GLRB: variants seen among roughly 807,000 people sequenced by gnomAD.
The protein encoded by GLRB is glycine receptor beta.
In GLRB, 33 loss-of-function variants were observed where a neutral mutation model predicts 54.2. The observed-to-expected ratio is 0.61, with a 90% confidence interval of 0.46 to 0.81. GLRB has a LOEUF of 0.81. Ranked by LOEUF, GLRB falls within the 40% of genes least tolerant of loss-of-function variation. The pLI is 0.00. For synonymous variants in GLRB, 209 were observed against 208.2 expected, an observed-to-expected ratio of 1.00 and a Z score of -0.03; for missense variants, 572 against 584.6, an observed-to-expected ratio of 0.98 and a Z score of 0.22.
chr4:157,132,327 CT>C (rs1263078555), intron 4 of GLRB, among the ~76,000 whole-genome samples: 4 of 151,814 alleles, frequency 2.6e-5, no homozygotes, highest in Non-Finnish European at 5.9e-5. Flanking sequence ...TACCTTTCCA[CT>C]GTCTCTTGCT....
intron 2 of GLRB, among the ~76,000 whole-genome samples, chr4:157,112,676 A>G (rs965478421): frequency 1.3e-5 from 2 of 151,974 alleles, no homozygotes; most frequent in African/African-American, 4.8e-5. Flanking sequence ...GGGAACTCTG[A>G]AGATGGGATG....
At chr4:157,084,463 C>T (rs1050724643) in intron 2 of GLRB, among the ~76,000 whole-genome samples, 5 of 152,104 alleles carry the variant, frequency 3.3e-5, no homozygotes, top group Non-Finnish European at 7.4e-5. Flanking sequence ...CATTTATTAT[C>T]CTACCTTCTA....
chr4:157,099,354 T>C (rs1374325440), intron 2 of GLRB, among the ~76,000 whole-genome samples: 3 of 152,004 alleles, frequency 2.0e-5, no homozygotes, highest in African/African-American at 7.2e-5. Flanking sequence ...TTTTTTTTTT[T>C]TCGAGACAAA....
intron 4 of GLRB, among the ~76,000 whole-genome samples, chr4:157,134,081 G>A (rs1736313892): frequency 6.6e-6 from 1 of 152,006 alleles, no homozygotes; most frequent in Admixed American, 6.6e-5. Flanking sequence ...CCAAAATACA[G>A]AATGACTTCT....
intron 2 of GLRB, among the ~76,000 whole-genome samples, chr4:157,105,709 GCA>G (rs1307386198): frequency 6.6e-6 from 1 of 151,814 alleles, no homozygotes; most frequent in Non-Finnish European, 1.5e-5. Context: ...TTGGATGCAC[GCA>G]CACTTATTAT....
rs1222103367 is a variant in GLRB at position 157,170,566 on chromosome 4, T to G, written c.1332T>G (p.Val444=). 4 of 1,613,452 alleles carry G rather than the reference T, an allele frequency of 2.5e-6. No individual in the cohort carries two copies. The East Asian group carries it at 6.7e-5, about 27-fold the overall frequency. The change falls in exon 10 of 10, where the codon GTT becomes GTG. Residue 444 remains valine, a synonymous_variant. Coordinates refer to ENST00000264428, the MANE Select transcript of GLRB (RefSeq NM_000824.5). Reference sequence around the variant, plus strand: ...ACTGCTATGGAAAACCCATTGAAGTTAACAACGGACTTGGGAAATCTCAGG... The same window carrying G: ...ACTGCTATGGAAAACCCATTGAAGTGAACAACGGACTTGGGAAATCTCAGG... ...NYDCYGKPIE[V]NNGLGKSQAK... is the part of the protein sequence containing the mutation.
At position 157,078,388 on chromosome 4, in the gene GLRB, T is replaced by G. The variant is rs575351319; in HGVS notation, c.122+242T>G. On this transcript the variant is annotated intron_variant, in intron 2 of 9. Transcript: ENST00000264428. ...ATCATGCCATGGGTTTATATAATTT[T>G]TATACACTGTTTACAAAAGTAGAAA... 5 of 206,186 alleles carry G rather than the reference T, an allele frequency of 2.4e-5. No homozygotes were observed. The East Asian group carries it at 5.6e-4, about 23-fold the overall frequency. 12.8% of individuals were successfully genotyped at this position (206,186 alleles called of 1,614,324 possible).
intron 2 of GLRB, among the ~76,000 whole-genome samples, chr4:157,087,330 T>C (rs534203347): frequency 6.6e-6 from 1 of 152,278 alleles, no homozygotes; most frequent in African/African-American, 2.4e-5. Flanking sequence ...CCTTTAGCAC[T>C]TTTGCTAATT....
chr4:157,110,568 A>G (rs1434768882), intron 2 of GLRB, among the ~76,000 whole-genome samples: 1 of 152,096 alleles, frequency 6.6e-6, no homozygotes, highest in Non-Finnish European at 1.5e-5. Context: ...TATTATTTAT[A>G]AAGATATGAC....
At chr4:157,095,761 A>T (rs1335925493) in intron 2 of GLRB, among the ~76,000 whole-genome samples, 1 of 152,172 alleles carries the variant, frequency 6.6e-6, no homozygotes, top group Non-Finnish European at 1.5e-5. Flanking sequence ...CTGGAGAAGT[A>T]AAAGCCGGCT....
At chr4:157,114,944 C>G (rs953079865) in intron 2 of GLRB, among the ~76,000 whole-genome samples, 57 of 151,768 alleles carry the variant, frequency 3.8e-4, no homozygotes, top group Admixed American at 9.9e-4. Context: ...TCCGCACCCC[C>G]CTTTGCAGAC....
chr4:157,090,802 T>C (rs1202072042), intron 2 of GLRB, among the ~76,000 whole-genome samples: 1 of 152,204 alleles, frequency 6.6e-6, no homozygotes, highest in Non-Finnish European at 1.5e-5. Context: ...AAATCATATC[T>C]ATCTAATATC....
intron 2 of GLRB, among the ~76,000 whole-genome samples, chr4:157,111,178 G>T (rs1412253253): frequency 6.6e-6 from 1 of 152,018 alleles, no homozygotes; most frequent in Non-Finnish European, 1.5e-5. Context: ...ACCAGAAAAA[G>T]TTGGGATGGC....
At chr4:157,083,734 A>C (rs1734308045) in intron 2 of GLRB, among the ~76,000 whole-genome samples, 1 of 152,186 alleles carries the variant, frequency 6.6e-6, no homozygotes, top group Non-Finnish European at 1.5e-5. Flanking sequence ...AGAAAGCTCT[A>C]GTACATAAGA....
intron 2 of GLRB, among the ~76,000 whole-genome samples, chr4:157,097,815 G>T (rs1734869203): frequency 6.6e-6 from 1 of 152,178 alleles, no homozygotes; most frequent in African/African-American, 2.4e-5. Flanking sequence ...GAGGTCAGGA[G>T]TTCGAGACCA....
rs1408887139 is a variant in GLRB at position 157,171,997 on chromosome 4, C to A, written c.*1269C>A. 1.3e-5 allele frequency: 2 copies of A among 151,760 alleles called. No individual in the cohort carries two copies. The highest frequency in any genetic ancestry group is 4.8e-5 in the African/African-American group (2 of 41,406). 9.4% of individuals were successfully genotyped at this position (151,760 alleles called of 1,614,324 possible). On this transcript the variant is annotated 3_prime_UTR_variant, in exon 10 of 10. Coordinates refer to ENST00000264428, the MANE Select transcript of GLRB (RefSeq NM_000824.5). ...GTAATTCACATAGATAAACATAAGA[C>A]TAAAGAAGTATATTTACATTATCTG... is the stretch of plus-strand genomic sequence containing the variant.
At chr4:157,102,179 T>C (rs1735055415) in intron 2 of GLRB, among the ~76,000 whole-genome samples, 1 of 152,234 alleles carries the variant, frequency 6.6e-6, no homozygotes, top group Non-Finnish European at 1.5e-5. Flanking sequence ...CTAGAGGTTG[T>C]TTTATTTTAA....
chr4:157,123,883 C>A (rs1397740145), intron 4 of GLRB, among the ~76,000 whole-genome samples: 1 of 151,654 alleles, frequency 6.6e-6, no homozygotes, highest in East Asian at 1.9e-4. Context: ...ATCTTGCATG[C>A]CCCTGTGATC....
intron 2 of GLRB, among the ~76,000 whole-genome samples, chr4:157,078,570 G>T (rs1734122947): frequency 6.6e-6 from 1 of 151,836 alleles, no homozygotes; most frequent in African/African-American, 2.4e-5. Flanking sequence ...AGGTAACTGT[G>T]ATCTTAAGGT....
Sources: allele counts gnomAD v4.1 joint callset (sites outside exome capture counted in the v4.1 genomes callset), GRCh38; gene constraint gnomAD v4.1.1; transcripts MANE v1.5; gene names NCBI Gene and HGNC (gene_info 2026-07-23, HGNC 2026-07-21).